Variants in SEC16A observed in about 807,000 individuals in gnomAD.
SEC16A encodes the protein SEC16 homolog A, endoplasmic reticulum export factor.
In SEC16A, 110 loss-of-function variants were observed where a neutral mutation model predicts 221.9. The ratio of observed to expected loss-of-function variants is 0.50; its 90% CI spans 0.42 to 0.58. The LOEUF is 0.58. Among genes scored for constraint, SEC16A ranks in the 20% least tolerant of loss-of-function variants. SEC16A has a pLI of 0.00. For missense variants in SEC16A, 3,165 were observed against 3,097.8 expected, an observed-to-expected ratio of 1.02 and a Z score of -0.52; for synonymous variants, 1,393 against 1,257.7, an observed-to-expected ratio of 1.11 and a Z score of -2.28.
Position 136,474,631 on chromosome 9 carries a change from G to A in SEC16A, c.2985C>T (p.Asp995=). The A allele has an allele frequency of 6.2e-7, 1 of 1,613,286 alleles. No individual in the cohort carries two copies. Among genetic ancestry groups the A allele is most frequent in the Non-Finnish European group, 8.5e-7 (1 of 1,179,820 alleles). ...SHQEDTYGAL[D]FTLSRTLENP... ...TTTCCAAAGTCCTGCTTAAGGTAAA[G>A]TCTAGGGCTCCGTAAGTGTCTTCCT... is the stretch of plus-strand genomic sequence containing the variant. Residue 995 remains aspartate (D), a synonymous_variant, in exon 3 of 32, where the codon GAC becomes GAT. Coordinates refer to ENST00000684901, the MANE Select transcript of SEC16A (RefSeq NM_014866.2).
rs1312548267 is a variant in SEC16A at position 136,451,445 on chromosome 9, C to G, written c.6160-37G>C. The G allele has an allele frequency of 3.2e-6, 5 of 1,551,086 alleles. No individual in the cohort carries two copies. The East Asian group carries it at 1.1e-4, about 35-fold the overall frequency. On this transcript the variant is annotated intron_variant, in intron 22 of 31. Transcript: ENST00000684901. ...AAATGCAGAACAGGCTCTCCTGGGG[C>G]TCCTCACAGGAACCGAAAGAGAGAG...
chr9:136,471,800 A>T (rs1423921931), intron 4 of SEC16A, among the ~76,000 whole-genome samples, 175 bp downstream of exon 4: 1 of 152,250 alleles, frequency 6.6e-6, no homozygotes, highest in African/African-American at 2.4e-5. Context: ...AATTTCATTT[A>T]AAAACACACC....
In SEC16A at chr9:136,475,367, C is replaced by A. The variant is rs1433111113; in HGVS notation, c.2249G>T (p.Cys750Phe). ...AACAACAGGTGGCTGAGGTTTTGCA[C>A]ACACATAAAGCGCCGGGGCTGCAGG... ...LAPAAPALYVCAKPQPPVVQP... is the reference protein window; with the variant it reads ...LAPAAPALYVFAKPQPPVVQP... The change falls in exon 3 of 32, where the codon TGT becomes TTT. Residue 750 changes from cysteine (C) to phenylalanine (F), a missense_variant. Transcript: ENST00000684901. The surrounding 1 kb of genome is among the most constrained non-coding windows in gnomAD (Gnocchi z 5.0). 6.2e-7 allele frequency: 1 copy of A among 1,609,380 alleles called. No homozygotes were observed. Among genetic ancestry groups the A allele is most frequent in the Non-Finnish European group, 8.5e-7 (1 of 1,176,934 alleles).
At chr9:136,483,227 C>CTCAT (rs1842646968), upstream of SEC16A, among the ~76,000 whole-genome samples, 1 of 143,032 alleles carries the variant, frequency 7.0e-6, no homozygotes, top group Non-Finnish European at 1.5e-5. Flanking sequence ...TCTGTCCCGC[C>CTCAT]CCCTCTGCCC....
intron 3 of SEC16A, among the ~76,000 whole-genome samples, chr9:136,472,664 T>C (rs1423099344): frequency 1.3e-5 from 2 of 152,130 alleles, no homozygotes; most frequent in African/African-American, 4.8e-5. Flanking sequence ...CACCAACCAA[T>C]TCGTGGCCAC....
chr9:136,455,486 C>T, intron 20 of SEC16A, 115 bp downstream of exon 20: 2 of 996,022 alleles, frequency 2.0e-6, no homozygotes, highest in Non-Finnish European at 2.9e-6. Flanking sequence ...TGAGACACTG[C>T]CTCCAACAGT....
chr9:136,479,014 A>AAC (rs1344077540), intron 1 of SEC16A, among the ~76,000 whole-genome samples, 184 bp from the exon 2 acceptor site: 3 of 152,234 alleles, frequency 2.0e-5, no homozygotes, highest in African/African-American at 7.2e-5. Flanking sequence ...CTGGAGCCGT[A>AAC]ACTGTGCCTG....
Position 136,457,711 on chromosome 9 carries a change from T to C in SEC16A, c.5410-127A>G, listed in dbSNP as rs1290630626. On this transcript the variant is annotated intron_variant, in intron 17 of 31. Transcript: ENST00000684901. ...TCGCCCTGTGAGCTGTGAACTCTTC[T>C]GGACACTTCACTCATCATCGTCTCC... The C allele has an allele frequency of 3.4e-6, 4 of 1,182,062 alleles. No individual in the cohort carries two copies. The East Asian group carries it at 7.8e-5, about 23-fold the overall frequency. 73.2% of individuals were successfully genotyped at this position (1,182,062 alleles called of 1,614,324 possible).
Position 136,465,986 on chromosome 9 carries a change from T to C in SEC16A, c.4279A>G (p.Thr1427Ala). The change falls in exon 8 of 32, where the codon ACC becomes GCC. Residue 1427 changes from threonine (T) to alanine (A), a missense_variant. Physicochemically the swap from Thr to Ala is moderately conservative, Grantham distance 58. Around this residue, in one of 3 missense-constraint regions of SEC16A, gnomAD observed 2,030 missense variants for 1,923.1 expected, o/e 1.06. Coordinates refer to ENST00000684901, the MANE Select transcript of SEC16A (RefSeq NM_014866.2). ...CCTTGCTCCATGGCAGGCCAGACGG[T>C]GTCGGCAGGGTAGCCATACTCTGGG... ...GFPEYGYPAD[T>A]VWPAMEQVSS... 2 of 1,613,306 alleles carry C rather than the reference T, an allele frequency of 1.2e-6. No homozygotes were observed. The highest frequency in any genetic ancestry group is 1.7e-6 in the Non-Finnish European group (2 of 1,179,872).
intron 22 of SEC16A, among the ~76,000 whole-genome samples, chr9:136,453,112 A>T (rs1166085673): frequency 6.6e-6 from 1 of 151,948 alleles, no homozygotes; most frequent in Non-Finnish European, 1.5e-5. Flanking sequence ...AGATGTAGAA[A>T]TCAGAGAAGG....
At chr9:136,448,600 G>A (rs780432943) in intron 23 of SEC16A, 1 of 713,350 alleles carries the variant, frequency 1.4e-6, no homozygotes, top group Non-Finnish European at 2.6e-6. Flanking sequence ...GGATGGAGGT[G>A]GGGAGCAGAT....
At chr9:136,481,071 CAGG>C (rs1842263943) in intron 1 of SEC16A, among the ~76,000 whole-genome samples, 1 of 151,282 alleles carries the variant, frequency 6.6e-6, no homozygotes, top group Non-Finnish European at 1.5e-5. Flanking sequence ...CTCTACTCAC[CAGG>C]AGAAAAACAA....
At position 136,451,368 on chromosome 9, in the gene SEC16A, C is replaced by T; in HGVS notation, c.6200G>A (p.Gly2067Glu). The change falls in exon 23 of 32, where the codon GGG becomes GAG. Residue 2067 changes from glycine (G) to glutamate (E), a missense_variant. Physicochemically the swap from Gly to Glu is moderately conservative, Grantham distance 98. Around this residue, in one of 3 missense-constraint regions of SEC16A, gnomAD observed 1,088 missense variants for 1,089.6 expected, o/e 1.00. Transcript: ENST00000684901. Reference protein sequence around the residue: ...RTVPDSEAPPGWDRADSGPTQ... With the variant: ...RTVPDSEAPPEWDRADSGPTQ... ...GGGACCCGAGTCGGCACGATCCCAC[C>T]CTGGGGGGGCCTCCGAGTCTGGCAC... 6.2e-7 allele frequency: 1 copy of T among 1,612,424 alleles called. No homozygotes were observed. The highest frequency in any genetic ancestry group is 8.5e-7 in the Non-Finnish European group (1 of 1,179,338).
intron 13 of SEC16A, 125 bp downstream of exon 13, chr9:136,461,052 G>C: frequency 1.4e-6 from 1 of 731,464 alleles, no homozygotes; most frequent in Non-Finnish European, 2.4e-6. Flanking sequence ...GGAAGCCCGA[G>C]TTCGTGTGGG....
In SEC16A at chr9:136,474,076, C is replaced by T. The variant is rs1323675953; in HGVS notation, c.3540G>A (p.Glu1180=). 2 of 1,607,836 alleles carry T rather than the reference C, an allele frequency of 1.2e-6. No individual in the cohort carries two copies. Among genetic ancestry groups the T allele is most frequent in the Non-Finnish European group, 1.7e-6 (2 of 1,176,182 alleles). The change falls in exon 3 of 32, where the codon GAG becomes GAA. Residue 1180 remains glutamate, a synonymous_variant. Transcript: ENST00000684901. ...QPQYSLPYPP[E]PGAASLYYQD... ...GGTAATAGAGGGAGGCTGCGCCAGG[C>T]TCCGGTGGGTACGGCAAAGAGTACT...
chr9:136,451,059 TGGGTG>T (rs955638511), intron 23 of SEC16A, among the ~76,000 whole-genome samples, 192 bp downstream of exon 23: 1 of 152,182 alleles, frequency 6.6e-6, no homozygotes, highest in Non-Finnish European at 1.5e-5. Flanking sequence ...CATGCTGACC[TGGGTG>T]GGCTATTATC....
upstream of SEC16A, chr9:136,483,897 C>A: frequency 6.8e-6 from 5 of 731,842 alleles, no homozygotes; most frequent in Non-Finnish European, 8.4e-6. Flanking sequence ...CCGCGGGCAC[C>A]GAGCGGCGCC....
rs752506014 is a variant in SEC16A at position 136,446,893 on chromosome 9, T to C, written c.6754A>G (p.Arg2252Gly). ...GTGREGPAAA[R>G]GLANPEPAPE... ...GCAGGCTCTGGATTGGCCAGGCCCC[T>C]AGCTGCTGCAGGCCCTTCCCTGCCA... The change falls in exon 28 of 32, where the codon AGG (arginine) becomes GGG (glycine). Residue 2252 changes from arginine to glycine, a missense_variant. Arg to Gly is a moderately radical substitution (Grantham distance 125). Around this residue, in one of 3 missense-constraint regions of SEC16A, gnomAD observed 1,088 missense variants for 1,089.6 expected, o/e 1.00. Transcript: ENST00000684901. The C allele has an allele frequency of 1.2e-5, 20 of 1,613,132 alleles. No individual in the cohort carries two copies. The highest frequency in any genetic ancestry group is 1.6e-5 in the Non-Finnish European group (19 of 1,179,740).
intron 30 of SEC16A, 126 bp downstream of exon 30, chr9:136,444,926 G>A (rs543418313): frequency 3.1e-6 from 2 of 646,344 alleles, no homozygotes; most frequent in South Asian, 3.3e-5. Context: ...TTGGTCACGT[G>A]ACGCTGAGGG....
Sources: gnomAD v4.1 joint callset for allele counts (sites outside exome capture counted in the v4.1 genomes callset) on GRCh38, gnomAD v4.1.1 for gene constraint, gnomAD v4.1.1 regional missense constraint, Gnocchi (gnomAD v3.1) non-coding constraint, MANE v1.5 for transcripts, NCBI Gene and HGNC (gene_info 2026-07-23, HGNC 2026-07-21) for gene names.